ALDH1A1: variants seen among roughly 807,000 people sequenced by gnomAD.
The protein encoded by ALDH1A1 is aldehyde dehydrogenase 1 family member A1.
A neutral mutation model predicts 62.1 loss-of-function variants in ALDH1A1; 19 were observed. The observed-to-expected ratio is 0.31, with a 90% confidence interval of 0.21 to 0.45. The LOEUF (loss-of-function observed/expected upper bound fraction) is 0.45. ALDH1A1 is among the 20% of genes least tolerant of loss of function. The probability of loss-of-function intolerance (pLI) is 1.00; values close to 1 mark genes in which losing one functional copy is unlikely to be tolerated. For synonymous variants in ALDH1A1, 231 were observed against 215.9 expected, an observed-to-expected ratio of 1.07 and a Z score of -0.61; for missense variants, 521 against 607.1, an observed-to-expected ratio of 0.86 and a Z score of 1.49.
chr9:72,901,911 G>T (rs1269773385), intron 12 of ALDH1A1, among the ~76,000 whole-genome samples: 1 of 152,026 alleles, frequency 6.6e-6, no homozygotes, highest in African/African-American at 2.4e-5. Context: ...AGTAGTTTCA[G>T]CAAAATCTTT....
chr9:72,908,579 GAAAGA>G (rs1829926852), intron 11 of ALDH1A1, among the ~76,000 whole-genome samples: 1 of 125,770 alleles, frequency 8.0e-6, no homozygotes, highest in African/African-American at 3.1e-5. Context: ...AAGAAAGAAA[GAAAGA>G]AAGAAAGAAA....
intron 7 of ALDH1A1, among the ~76,000 whole-genome samples, chr9:72,922,577 A>G (rs1830157889): frequency 6.6e-6 from 1 of 152,140 alleles, no homozygotes; most frequent in Non-Finnish European, 1.5e-5. Context: ...CACAAAAAAT[A>G]CACTAACAGT....
chr9:72,910,094 T>C (rs975036311), intron 10 of ALDH1A1, among the ~76,000 whole-genome samples: 9 of 152,196 alleles, frequency 5.9e-5, no homozygotes, highest in African/African-American at 2.2e-4. Context: ...ATATTTTAAA[T>C]TCACTCTCTA....
chr9:72,933,352 A>C (rs1238182503), intron 2 of ALDH1A1, among the ~76,000 whole-genome samples: 1 of 152,226 alleles, frequency 6.6e-6, no homozygotes, highest in East Asian at 1.9e-4. Flanking sequence ...TCAAATCACT[A>C]TCCCAAAACA....
At chr9:72,918,642 A>C (rs1252196852) in intron 8 of ALDH1A1, 78 bp downstream of exon 8, 1 of 233,980 alleles carries the variant, frequency 4.3e-6, no homozygotes, top group South Asian at 1.0e-4. Flanking sequence ...TTTTTTGTAA[A>C]GTTCAAGTTC....
intron 2 of ALDH1A1, among the ~76,000 whole-genome samples, chr9:72,938,308 C>G (rs983756231): frequency 1.3e-5 from 2 of 151,988 alleles, no homozygotes; most frequent in African/African-American, 4.8e-5. Flanking sequence ...TTGGCAACCC[C>G]TGGGCAACTA....
At position 72,928,816 on chromosome 9, in the gene ALDH1A1, A is replaced by C. The variant is rs1019934536; in HGVS notation, c.442+76T>G. 6 of 1,391,768 alleles carry C rather than the reference A, an allele frequency of 4.3e-6. No homozygotes were observed. The African/African-American group carries it at 5.9e-5, about 14-fold the overall frequency. The allele number at this position is 1,391,768 out of a possible 1,614,324, so 86.2% of individuals were successfully genotyped here. On this transcript the variant is annotated intron_variant, in intron 4 of 12. Transcript: ENST00000297785. ...TTTGGTTGACATCTTTAAAAGGGAG[A>C]GTTTGAAATTATTCAGCTCTATAGT...
intron 11 of ALDH1A1, among the ~76,000 whole-genome samples, chr9:72,907,707 T>TA (rs1198127318): frequency 6.6e-6 from 1 of 152,206 alleles, no homozygotes; most frequent in Admixed American, 6.5e-5. Flanking sequence ...GTGGGGATGA[T>TA]AATATTTAAT....
At chr9:72,950,242 T>A (rs1210952943) in intron 1 of ALDH1A1, among the ~76,000 whole-genome samples, 1 of 151,868 alleles carries the variant, frequency 6.6e-6, no homozygotes, top group Non-Finnish European at 1.5e-5. Context: ...GCCTTTATCA[T>A]CCCCATTTTA....
chr9:72,918,863 T>G (rs1564628856), intron 7 of ALDH1A1, 41 bp from the exon 8 acceptor site: 1 of 1,430,602 alleles, frequency 7.0e-7, no homozygotes, highest in African/African-American at 1.4e-5. Context: ...TACCCTGCTC[T>G]CATGAACACA....
intron 9 of ALDH1A1, among the ~76,000 whole-genome samples, chr9:72,915,534 A>G (rs1338846128): frequency 6.6e-6 from 1 of 152,212 alleles, no homozygotes; most frequent in Non-Finnish European, 1.5e-5. Context: ...CTTGGCATCC[A>G]TATACCAAAT....
At chr9:72,903,040 T>C (rs1366350663) in intron 12 of ALDH1A1, among the ~76,000 whole-genome samples, 1 of 151,748 alleles carries the variant, frequency 6.6e-6, no homozygotes, top group Non-Finnish European at 1.5e-5. Flanking sequence ...CTGGCACTAA[T>C]TAAGTAGGCA....
chr9:72,921,578 G>C (rs1240276544), intron 7 of ALDH1A1, among the ~76,000 whole-genome samples: 6 of 144,628 alleles, frequency 4.1e-5, no homozygotes, highest in Admixed American at 1.4e-4. Flanking sequence ...CATTGTGCAG[G>C]TTAGTTACAT....
intron 1 of ALDH1A1, among the ~76,000 whole-genome samples, chr9:72,947,243 G>A (rs1050815072): frequency 9.2e-5 from 14 of 151,938 alleles, no homozygotes; most frequent in African/African-American, 2.9e-4. Context: ...CCATCATCAT[G>A]TTTCTGCTTA....
intron 1 of ALDH1A1, chr9:72,942,462 T>G: frequency 5.0e-6 from 4 of 803,446 alleles, no homozygotes; most frequent in Non-Finnish European, 6.0e-6. Flanking sequence ...CTTTGTTCTA[T>G]ACAAGTATAA....
In ALDH1A1 at chr9:72,924,038, G is replaced by C. The variant is rs760975586; in HGVS notation, c.728C>G (p.Ala243Gly). ...TATTACCTCTGTTGATCCTGTGAAG[G>C]CTACTTTGTCTATATCCATGTGAGA... is the stretch of plus-strand genomic sequence containing the variant. Reference protein sequence around the residue: ...ISSHMDIDKVAFTGSTEVGKL... With the variant: ...ISSHMDIDKVGFTGSTEVGKL... The change falls in exon 7 of 13, where the codon GCC becomes GGC. Residue 243 changes from alanine to glycine, a missense_variant. Coordinates refer to ENST00000297785, the MANE Select transcript of ALDH1A1 (RefSeq NM_000689.5). The C allele has an allele frequency of 3.1e-6, 5 of 1,606,382 alleles. No homozygotes were observed. The East Asian group carries it at 1.1e-4, about 36-fold the overall frequency.
At chr9:72,903,677 T>G (rs1480008274) in intron 12 of ALDH1A1, among the ~76,000 whole-genome samples, 1 of 152,004 alleles carries the variant, frequency 6.6e-6, no homozygotes. Context: ...ATGTTCTAGA[T>G]TTTTAGGAAA....
chr9:72,923,451 C>T (rs748070230), intron 7 of ALDH1A1, among the ~76,000 whole-genome samples: 3 of 152,130 alleles, frequency 2.0e-5, no homozygotes, highest in African/African-American at 4.8e-5. Context: ...CCAAACTTCA[C>T]CTTCTAGTCT....
chr9:72,944,347 G>A (rs75393167), intron 1 of ALDH1A1, among the ~76,000 whole-genome samples: 98 of 152,150 alleles, frequency 6.4e-4, no homozygotes, highest in African/African-American at 1.9e-3. Context: ...AAACAGAGGC[G>A]TTTCAGCATG....
Sources: allele counts gnomAD v4.1 joint callset (sites outside exome capture counted in the v4.1 genomes callset), GRCh38; gene constraint gnomAD v4.1.1; transcripts MANE v1.5; gene names NCBI Gene and HGNC (gene_info 2026-07-23, HGNC 2026-07-21).